PIGZ: variants seen among roughly 807,000 people sequenced by gnomAD.
PIGZ encodes the protein phosphatidylinositol glycan anchor biosynthesis class Z (Gwada blood group).
PIGZ carries 16 observed loss-of-function variants against 16.4 expected under a neutral mutation model. That is an observed-to-expected ratio of 0.97 (90% CI 0.66 to 1.48). The LOEUF (loss-of-function observed/expected upper bound fraction) is 1.48. Ranked by LOEUF, PIGZ falls within the 40% of genes most tolerant of loss-of-function variation. The pLI is 0.00. For missense variants in PIGZ, 770 were observed against 739.2 expected, an observed-to-expected ratio of 1.04 and a Z score of -0.48; for synonymous variants, 409 against 338.4, an observed-to-expected ratio of 1.21 and a Z score of -2.29.
Position 196,947,313 on chromosome 3 carries a change from C to G in PIGZ, c.1584G>C (p.Arg528Ser), listed in dbSNP as rs1560176668. The G allele has an allele frequency of 1.9e-6, 3 of 1,614,200 alleles. No homozygotes were observed. Among genetic ancestry groups the G allele is most frequent in the South Asian group, 1.1e-5 (1 of 91,080 alleles). The change falls in exon 3 of 3, where the codon AGG becomes AGC. Residue 528 changes from arginine to serine, a missense_variant. Coordinates refer to ENST00000412723, the MANE Select transcript of PIGZ (RefSeq NM_025163.4). ...RLFVVTPGTTRRAVEKCSFPF... is the reference protein window; with the variant it reads ...RLFVVTPGTTSRAVEKCSFPF... ...GGAAGCTGCACTTCTCCACGGCACG[C>G]CTGGTGGTGCCAGGGGTTACCACAA...
chr3:196,948,426 G>A lies in PIGZ; in HGVS notation c.471C>T (p.Asn157=), dbSNP rs545802742. Residue 157 remains asparagine, a synonymous_variant, in exon 3 of 3, where the codon AAC becomes AAT. Coordinates refer to ENST00000412723, the MANE Select transcript of PIGZ (RefSeq NM_025163.4). ...LAPPMGADRW[N]ALALLSGSYV... ...AGGAACCAGACAGCAGGGCCAGGGC[G>A]TTCCAGCGATCCGCCCCCATCGGCG... 2.0e-5 allele frequency: 32 copies of A among 1,614,074 alleles called. No homozygotes were observed. The highest frequency in any genetic ancestry group is 6.7e-5 in the African/African-American group (5 of 74,928).
chr3:196,961,374 A>G (rs1005917456), intron 1 of PIGZ, among the ~76,000 whole-genome samples: 7 of 152,196 alleles, frequency 4.6e-5, no homozygotes, highest in African/African-American at 1.7e-4. Flanking sequence ...CTAATTCCCT[A>G]TATTAACTCC....
chr3:196,958,660 CA>C (rs1236918839), intron 1 of PIGZ, among the ~76,000 whole-genome samples: 1 of 151,934 alleles, frequency 6.6e-6, no homozygotes, highest in Non-Finnish European at 1.5e-5. Flanking sequence ...AACAAACAAA[CA>C]AAAAACACTG....
chr3:196,950,693 G>A (rs1717242432), intron 2 of PIGZ, among the ~76,000 whole-genome samples: 1 of 151,886 alleles, frequency 6.6e-6, no homozygotes, highest in Non-Finnish European at 1.5e-5. Context: ...GAGCCCTGTG[G>A]CAAAGAAAGC....
intron 1 of PIGZ, 39 bp from the exon 2 acceptor site, chr3:196,952,070 TTATAA>T (rs1717310540): frequency 1.9e-6 from 3 of 1,546,252 alleles, no homozygotes; most frequent in East Asian, 2.3e-5. Context: ...ACGATGTAAA[TTATAA>T]TATATTCAAC....
Position 196,948,344 on chromosome 3 carries a change from A to G in PIGZ, c.553T>C (p.Phe185Leu). 3 of 1,614,216 alleles carry G rather than the reference A, an allele frequency of 1.9e-6. No homozygotes were observed. The highest frequency in any genetic ancestry group is 1.1e-5 in the South Asian group (1 of 91,088). Reference protein sequence around the residue: ...TFSNTIEGLLFTWLLVLVSSH... With the variant: ...TFSNTIEGLLLTWLLVLVSSH... ...GATACCAGCACCAGCAGCCACGTGA[A>G]GAGGAGTCCCTCAATGGTGTTGGAG... Residue 185 changes from phenylalanine to leucine, a missense_variant, in exon 3 of 3, where the codon TTC becomes CTC. Coordinates refer to ENST00000412723, the MANE Select transcript of PIGZ (RefSeq NM_025163.4).
In PIGZ at chr3:196,947,965, G is replaced by A. The variant is rs1012490340; in HGVS notation, c.932C>T (p.Thr311Met). 1.8e-5 allele frequency: 29 copies of A among 1,610,186 alleles called. No individual in the cohort carries two copies. Among genetic ancestry groups the A allele is most frequent in the African/African-American group, 9.4e-5 (7 of 74,818 alleles). The change falls in exon 3 of 3, where the codon ACG (threonine) becomes ATG (methionine). Residue 311 changes from threonine to methionine, a missense_variant. Coordinates refer to ENST00000412723, the MANE Select transcript of PIGZ (RefSeq NM_025163.4). ...LNPQNLARHGTHARLTHLAVN... is the reference protein window; with the variant it reads ...LNPQNLARHGMHARLTHLAVN... ...TGCCAGGTGAGTGAGCCGCGCGTGC[G>A]TGCCATGTCTCGCCAGGTTTTGGGG...
chr3:196,957,283 G>C (rs6791669), intron 1 of PIGZ, among the ~76,000 whole-genome samples: 1 of 151,904 alleles, frequency 6.6e-6, no homozygotes, highest in Admixed American at 6.6e-5. Context: ...AAATTCTGAA[G>C]GGAGATAGCC....
chr3:196,947,098 G>T lies in PIGZ; in HGVS notation c.*59C>A. 1 of 1,465,662 alleles carries T rather than the reference G, an allele frequency of 6.8e-7. No individual in the cohort carries two copies. The allele number at this position is 1,465,662 out of a possible 1,614,324, so 90.8% of individuals were successfully genotyped here. A position where few individuals can be genotyped will look rare whatever the true frequency, so the allele number is the denominator to read the frequency against. ...GCGTCCCAGCCCAGCTACCCAAGTA[G>T]AAGGTGGGGCGGCATCTTCTATGGC... On this transcript the variant is annotated 3_prime_UTR_variant, in exon 3 of 3. Coordinates refer to ENST00000412723, the MANE Select transcript of PIGZ (RefSeq NM_025163.4).
Position 196,949,928 on chromosome 3 carries a change from A to G in PIGZ, c.212-1243T>C, listed in dbSNP as rs529741769. ...GGAGATGGGGGGAGAGAAGAGGGGT[A>G]GGTGATGAGCCATCAGGGTTATGTC... On this transcript the variant is annotated intron_variant, in intron 2 of 2. Coordinates refer to ENST00000412723, the MANE Select transcript of PIGZ (RefSeq NM_025163.4). Among the ~76,000 whole-genome samples the G allele has an allele frequency of 2.6e-5, 4 of 152,212 alleles. No homozygotes were observed. The East Asian group carries it at 7.7e-4, about 29-fold the overall frequency.
At position 196,967,321 on chromosome 3, in the gene PIGZ, C is replaced by T. The variant is rs144521646; in HGVS notation, c.-1+1366G>A. Among the ~76,000 whole-genome samples, 37 of 152,254 alleles carry T rather than the reference C, an allele frequency of 2.4e-4. No homozygotes were observed. The East Asian group carries it at 6.8e-3, about 28-fold the overall frequency. On this transcript the variant is annotated intron_variant, in intron 1 of 2. Coordinates refer to ENST00000412723, the MANE Select transcript of PIGZ (RefSeq NM_025163.4). ...TGCTCCAGGGACAGCCGTGAACGAGCGCCGTCCGGAGTGGCAGGGCCATCA... is the reference window on the plus strand; with the variant it reads ...TGCTCCAGGGACAGCCGTGAACGAGTGCCGTCCGGAGTGGCAGGGCCATCA...
At chr3:196,959,927 A>G (rs892729008) in intron 1 of PIGZ, among the ~76,000 whole-genome samples, 1 of 152,216 alleles carries the variant, frequency 6.6e-6, no homozygotes, top group Non-Finnish European at 1.5e-5. Context: ...GGTTTTCAGA[A>G]TCTAGAAAGC....
Position 196,947,743 on chromosome 3 carries a change from C to G in PIGZ, c.1154G>C (p.Ser385Thr). Residue 385 changes from serine (S) to threonine (T), a missense_variant, in exon 3 of 3, where the codon AGC (serine) becomes ACC (threonine). Physicochemically the swap from Ser to Thr is moderately conservative, Grantham distance 58. Transcript: ENST00000412723. ...FMPLALLSAF[S>T]HQEARFLIPL... ...AATCAGGAACCGAGCCTCCTGGTGG[C>G]TAAAGGCAGATAGCAGGGCCAGAGG... 6.2e-7 allele frequency: 1 copy of G among 1,612,674 alleles called. No individual in the cohort carries two copies. The highest frequency in any genetic ancestry group is 1.1e-5 in the South Asian group (1 of 90,794).
At chr3:196,949,888 T>C (rs574655) in intron 2 of PIGZ, among the ~76,000 whole-genome samples, 30,408 of 152,048 alleles carry the variant, frequency 0.2, 3,570 homozygotes, top group Non-Finnish European at 0.24. Flanking sequence ...GCATCTCTGA[T>C]AATGATTGTT....
chr3:196,965,661 A>G lies in PIGZ; in HGVS notation c.-1+3026T>C, dbSNP rs1717896664. 2.6e-5 allele frequency among the ~76,000 whole-genome samples: 4 copies of G among 152,114 alleles called. No homozygotes were observed. Among genetic ancestry groups the G allele is most frequent in the South Asian group, 4.1e-4 (2 of 4,826 alleles). ...TCCAGGTATGCTGTGACTGGTGTGC[A>G]TGTACCTGGGATTTCTTAGCCTTAG... On this transcript the variant is annotated intron_variant, in intron 1 of 2. Coordinates refer to ENST00000412723, the MANE Select transcript of PIGZ (RefSeq NM_025163.4). The surrounding 1 kb of genome is among the most constrained non-coding windows in gnomAD (Gnocchi z 4.2).
At chr3:196,960,762 A>AGAAG (rs1491250972) in intron 1 of PIGZ, among the ~76,000 whole-genome samples, 4 of 151,534 alleles carry the variant, frequency 2.6e-5, no homozygotes, top group Non-Finnish European at 4.4e-5. Flanking sequence ...AAAGAAAGAA[A>AGAAG]GAAAAGAAAA....
chr3:196,962,678 T>G (rs1383761609), intron 1 of PIGZ, among the ~76,000 whole-genome samples: 7 of 151,992 alleles, frequency 4.6e-5, no homozygotes. Flanking sequence ...AATACTGATC[T>G]TTACTGCACT....
chr3:196,968,471 C>T (rs886095968), intron 1 of PIGZ, among the ~76,000 whole-genome samples: 1 of 152,258 alleles, frequency 6.6e-6, no homozygotes, highest in African/African-American at 2.4e-5. Flanking sequence ...CCCCCTAGGT[C>T]CGGGGCGGGT....
chr3:196,961,888 C>T (rs950403399), intron 1 of PIGZ, among the ~76,000 whole-genome samples: 1 of 152,158 alleles, frequency 6.6e-6, no homozygotes, highest in African/African-American at 2.4e-5. Context: ...GTCAGTTTTA[C>T]AAATTTTCAT....
Sources: allele counts gnomAD v4.1 joint callset (sites outside exome capture counted in the v4.1 genomes callset), GRCh38; gene constraint gnomAD v4.1.1; non-coding constraint Gnocchi (gnomAD v3.1); transcripts MANE v1.5; gene names NCBI Gene and HGNC (gene_info 2026-07-23, HGNC 2026-07-21).